Variants in AGMO observed in about 807,000 individuals in gnomAD.
AGMO encodes the protein alkylglycerol monooxygenase.
AGMO carries 75 observed loss-of-function variants against 60.2 expected under a neutral mutation model. The observed-to-expected ratio is 1.25, with a 90% CI of 1.03 to 1.51. The LOEUF is 1.51. AGMO is among the 40% of genes most tolerant of loss of function. The pLI is 0.00. For missense variants in AGMO, 763 were observed against 525.5 expected, an observed-to-expected ratio of 1.45 and a Z score of -4.42; for synonymous variants, 261 against 177.1, an observed-to-expected ratio of 1.47 and a Z score of -3.76.
At chr7:15,164,614 T>C in the AGMO span, among the ~76,000 whole-genome samples, 1 of 151,874 alleles carries the variant, frequency 6.6e-6, no homozygotes, top group South Asian at 2.1e-4. Context: ...AACAAACGTA[T>C]GAAAAAATGC....
intron 12 of AGMO, among the ~76,000 whole-genome samples, chr7:15,291,985 A>G (rs1345224203): frequency 6.6e-6 from 1 of 152,190 alleles, no homozygotes; most frequent in Non-Finnish European, 1.5e-5. Flanking sequence ...TGTCAAGTAT[A>G]GAAGACTCAA....
intron 12 of AGMO, among the ~76,000 whole-genome samples, chr7:15,355,688 G>T (rs1192246806): frequency 6.6e-6 from 1 of 152,008 alleles, no homozygotes; most frequent in Non-Finnish European, 1.5e-5. Flanking sequence ...AAAAATTGAT[G>T]TCTATCTGAA....
intron 3 of AGMO, among the ~76,000 whole-genome samples, chr7:15,452,866 A>G (rs1458395952): frequency 3.3e-5 from 5 of 152,222 alleles, no homozygotes; most frequent in African/African-American, 1.2e-4. Context: ...ATTGTGGTAT[A>G]TCTATACAAT....
intron 12 of AGMO, among the ~76,000 whole-genome samples, chr7:15,291,984 T>C (rs1423133505): frequency 6.6e-6 from 1 of 152,154 alleles, no homozygotes; most frequent in African/African-American, 2.4e-5. Flanking sequence ...GTGTCAAGTA[T>C]AGAAGACTCA....
chr7:15,282,501 C>A (rs999557977), intron 12 of AGMO, among the ~76,000 whole-genome samples: 12 of 151,928 alleles, frequency 7.9e-5, no homozygotes, highest in African/African-American at 2.7e-4. Context: ...ACAAGTCTTT[C>A]AAGTCAACTC....
intron 1 of AGMO, among the ~76,000 whole-genome samples, 192 bp from the exon 2 acceptor site, chr7:15,560,463 CAT>C (rs1785275039): frequency 6.6e-6 from 1 of 152,104 alleles, no homozygotes; most frequent in Non-Finnish European, 1.5e-5. Context: ...ATACACTAAA[CAT>C]GTGCTCAAAT....
chr7:15,285,719 T>C (rs1458626774), intron 12 of AGMO, among the ~76,000 whole-genome samples: 2 of 151,754 alleles, frequency 1.3e-5, no homozygotes, highest in African/African-American at 4.8e-5. Flanking sequence ...CTCGAAAAAA[T>C]ATCCTAAAAT....
intron 12 of AGMO, among the ~76,000 whole-genome samples, chr7:15,244,624 T>G (rs1782687054): frequency 6.9e-6 from 1 of 145,434 alleles, no homozygotes; most frequent in South Asian, 2.3e-4. Context: ...ATAAAGTATT[T>G]GCTCATTCTT....
At chr7:15,322,490 A>T (rs1715871350) in intron 12 of AGMO, among the ~76,000 whole-genome samples, 1 of 85,824 alleles carries the variant, frequency 1.2e-5, no homozygotes, top group Non-Finnish European at 2.0e-5. Flanking sequence ...ATATATAAAT[A>T]TATATAAATA....
At chr7:15,311,760 G>A (rs777461477) in intron 12 of AGMO, among the ~76,000 whole-genome samples, 11 of 152,108 alleles carry the variant, frequency 7.2e-5, no homozygotes, top group Non-Finnish European at 1.3e-4. Flanking sequence ...CACACAAACA[G>A]TGGAAAATAG....
At chr7:15,146,991 G>A in the AGMO span, among the ~76,000 whole-genome samples, 1 of 152,110 alleles carries the variant, frequency 6.6e-6, no homozygotes, top group Admixed American at 6.6e-5. Flanking sequence ...TTCACGAAAT[G>A]TTAAAATATA....
chr7:15,395,786 C>G (rs560612690), intron 5 of AGMO, among the ~76,000 whole-genome samples: 2 of 152,158 alleles, frequency 1.3e-5, no homozygotes, highest in Non-Finnish European at 2.9e-5. Context: ...AATAAATTGC[C>G]TAAGTCTCAG....
At chr7:15,297,889 G>C (rs62450300) in intron 12 of AGMO, among the ~76,000 whole-genome samples, 14,811 of 152,120 alleles carry the variant, frequency 0.097, 765 homozygotes, top group East Asian at 0.19. Flanking sequence ...AAATAGCCAG[G>C]AAGGCTATTC....
chr7:15,359,350 T>G (rs953615313), intron 12 of AGMO, among the ~76,000 whole-genome samples: 20 of 152,256 alleles, frequency 1.3e-4, no homozygotes, highest in African/African-American at 4.6e-4. Context: ...CTTTAATTTT[T>G]GCTCATAAAT....
At chr7:15,292,676 T>G (rs1026527326) in intron 12 of AGMO, among the ~76,000 whole-genome samples, 4 of 150,516 alleles carry the variant, frequency 2.7e-5, no homozygotes, top group Non-Finnish European at 4.4e-5. Flanking sequence ...AAGAAGAATG[T>G]AAATATTAAG....
chr7:15,163,653 T>C, the AGMO span, among the ~76,000 whole-genome samples: 1 of 152,098 alleles, frequency 6.6e-6, no homozygotes, highest in Non-Finnish European at 1.5e-5. Flanking sequence ...ACTACCCTCA[T>C]ATCCTTGGGA....
chr7:15,243,118 A>G (rs1013656818), intron 12 of AGMO, among the ~76,000 whole-genome samples: 6 of 151,994 alleles, frequency 3.9e-5, no homozygotes, highest in Non-Finnish European at 7.4e-5. Context: ...TATCTTTAAT[A>G]TTAATATATA....
At chr7:15,542,536 G>A (rs746675073) in intron 3 of AGMO, among the ~76,000 whole-genome samples, 5 of 152,106 alleles carry the variant, frequency 3.3e-5, no homozygotes, top group Admixed American at 1.3e-4. Flanking sequence ...CAAATTTGCA[G>A]ATTTCCCAAA....
At chr7:15,387,733 G>T (rs575793473) in intron 8 of AGMO, among the ~76,000 whole-genome samples, 193 bp from the exon 9 acceptor site, 88 of 152,156 alleles carry the variant, frequency 5.8e-4, no homozygotes, top group African/African-American at 1.7e-3. Flanking sequence ...CATTAAGTGC[G>T]TTGTTGTCAA....
Sources: allele counts gnomAD v4.1 joint callset (sites outside exome capture counted in the v4.1 genomes callset), GRCh38; gene constraint gnomAD v4.1.1; transcripts MANE v1.5; gene names NCBI Gene and HGNC (gene_info 2026-07-23, HGNC 2026-07-21).